Variants in RNF4 observed in about 807,000 individuals in gnomAD.
RNF4 encodes E3 ubiquitin-protein ligase RNF4.
RNF4 carries 7 observed loss-of-function variants against 24.3 expected under a neutral mutation model. The ratio of observed to expected loss-of-function variants is 0.29; its 90% CI spans 0.16 to 0.54. RNF4 has a LOEUF of 0.54. RNF4 is among the 20% of genes least tolerant of loss of function. RNF4 has a pLI of 0.95. For missense variants in RNF4, 209 were observed against 248.5 expected (o/e 0.84, Z 1.07); for synonymous variants, 83 against 84.3 (o/e 0.98, Z 0.09).
chr4:2,488,230 A>G (rs924407569), intron 1 of RNF4, among the ~76,000 whole-genome samples: 1 of 152,168 alleles, frequency 6.6e-6, no homozygotes, highest in Non-Finnish European at 1.5e-5. Context: ...TGGGAAGCCG[A>G]GGCAAGTGGA....
chr4:2,488,473 C>A (rs6838884), intron 1 of RNF4, among the ~76,000 whole-genome samples: 9,602 of 150,988 alleles, frequency 0.064, 771 homozygotes, highest in African/African-American at 0.19. Context: ...ACAACAACAA[C>A]AAAAAAAAAC....
In RNF4 at chr4:2,514,380, T is replaced by G. The variant is rs1322492478; in HGVS notation, c.*561T>G. 6.4e-6 allele frequency: 1 copy of G among 155,904 alleles called. No homozygotes were observed. Among genetic ancestry groups the G allele is most frequent in the African/African-American group, 2.5e-5 (1 of 40,502 alleles). 9.7% of individuals were successfully genotyped at this position (155,904 alleles called of 1,614,324 possible). A position where few individuals can be genotyped will look rare whatever the true frequency, so the allele number is the denominator to read the frequency against. Reference sequence around the variant, plus strand: ...CTTATCATTGATCTGCAGTGATTTCTGCAAATCAAGAGAAACTCTGCAGGG... The same window carrying G: ...CTTATCATTGATCTGCAGTGATTTCGGCAAATCAAGAGAAACTCTGCAGGG... On this transcript the variant is annotated 3_prime_UTR_variant, in exon 8 of 8. Coordinates refer to ENST00000314289, the MANE Select transcript of RNF4 (RefSeq NM_002938.5).
At chr4:2,497,973 G>C (rs971731027) in intron 3 of RNF4, among the ~76,000 whole-genome samples, 2 of 152,276 alleles carry the variant, frequency 1.3e-5, no homozygotes, top group Middle Eastern at 3.4e-3. Context: ...CTTAGTGCAA[G>C]ATAAATTTCA....
Position 2,485,514 on chromosome 4 carries a change from A to C in RNF4, c.-157-4823A>C, listed in dbSNP as rs992478600. 2.6e-5 allele frequency among the ~76,000 whole-genome samples: 4 copies of C among 152,066 alleles called. 1 individual carries two copies. Among genetic ancestry groups the C allele is most frequent in the East Asian group, 1.9e-4 (1 of 5,156 alleles). ...CTGCTTTTCTAAAACTACACTCAGC[A>C]CCTGTTTCTGTTCTCCCTTCCCTCA... On this transcript the variant is annotated intron_variant, in intron 1 of 7. Coordinates refer to ENST00000314289, the MANE Select transcript of RNF4 (RefSeq NM_002938.5).
At chr4:2,484,067 T>TCCCCGC (rs1553877532) in intron 1 of RNF4, among the ~76,000 whole-genome samples, 1 of 13,248 alleles carries the variant, frequency 7.5e-5, no homozygotes, top group Non-Finnish European at 1.6e-4. Flanking sequence ...CCTCAGGTGA[T>TCCCCGC]CCCCCCCCGC....
chr4:2,513,004 A>G, intron 6 of RNF4, 79 bp from the exon 7 acceptor site: 3 of 1,362,354 alleles, frequency 2.2e-6, no homozygotes, highest in Non-Finnish European at 3.2e-6. Context: ...CTTGTAGGGG[A>G]TAGGGGCCAC....
intron 4 of RNF4, among the ~76,000 whole-genome samples, chr4:2,508,512 ATACTG>A (rs1736168305): frequency 6.6e-6 from 1 of 152,208 alleles, no homozygotes; most frequent in Admixed American, 6.5e-5. Context: ...CCAGTAATCA[ATACTG>A]TATTGTCCAC....
At chr4:2,497,350 T>C in intron 3 of RNF4, 1 of 346,878 alleles carries the variant, frequency 2.9e-6, no homozygotes, top group Non-Finnish European at 5.2e-6. Flanking sequence ...TAAAAAAAAA[T>C]CTAGCGCAAA....
chr4:2,485,179 C>T (rs1735369095), intron 1 of RNF4, among the ~76,000 whole-genome samples: 1 of 152,186 alleles, frequency 6.6e-6, no homozygotes, highest in African/African-American at 2.4e-5. Context: ...GACTGCGACT[C>T]CTTTGCTGCT....
At chr4:2,491,566 C>T (rs576762911) in intron 2 of RNF4, among the ~76,000 whole-genome samples, 4 of 152,232 alleles carry the variant, frequency 2.6e-5, no homozygotes, top group South Asian at 2.1e-4. Context: ...CCTCAGCCTC[C>T]GGAGTAGCTT....
At chr4:2,508,936 T>TA (rs1553880011) in intron 4 of RNF4, among the ~76,000 whole-genome samples, 16 of 138,716 alleles carry the variant, frequency 1.2e-4, no homozygotes, top group Admixed American at 3.7e-4. Flanking sequence ...TTTTTTTTTT[T>TA]AATTAAAGAC....
intron 1 of RNF4, among the ~76,000 whole-genome samples, chr4:2,474,677 GAA>G (rs1735012999): frequency 6.6e-6 from 1 of 152,182 alleles, no homozygotes; most frequent in African/African-American, 2.4e-5. Context: ...ACGCTACAGA[GAA>G]ATCTTTCATG....
chr4:2,490,672 C>A, intron 2 of RNF4, 170 bp downstream of exon 2: 1 of 613,136 alleles, frequency 1.6e-6, no homozygotes, highest in Non-Finnish European at 2.8e-6. Context: ...TACTTACCGA[C>A]ATTGAGCTAC....
intron 1 of RNF4, among the ~76,000 whole-genome samples, chr4:2,476,857 C>T (rs1213104904): frequency 1.3e-5 from 2 of 151,352 alleles, no homozygotes; most frequent in African/African-American, 4.9e-5. Context: ...TCTCAACTCA[C>T]TTCAACCTCC....
At chr4:2,502,166 G>C (rs1232980793) in intron 4 of RNF4, among the ~76,000 whole-genome samples, 1 of 152,162 alleles carries the variant, frequency 6.6e-6, no homozygotes, top group Non-Finnish European at 1.5e-5. Context: ...TTCACCAGTT[G>C]CTCATTAAAG....
At position 2,512,090 on chromosome 4, in the gene RNF4, C is replaced by A; in HGVS notation, c.214+125C>A. ...TGGAGCGCTCCAAGCAGGAAGATGC[C>A]TTCGCAGATGCTGTGGTCAGACCCA... On this transcript the variant is annotated intron_variant, in intron 5 of 7. Transcript: ENST00000314289. This position sits in a 1 kb window ranked among gnomAD's most constrained non-coding sequence, Gnocchi z 4.1. 2 of 851,244 alleles carry A rather than the reference C, an allele frequency of 2.3e-6. No homozygotes were observed. The highest frequency in any genetic ancestry group is 1.7e-5 in the South Asian group (1 of 60,174). 52.7% of individuals were successfully genotyped at this position (851,244 alleles called of 1,614,324 possible).
chr4:2,514,248 C>T lies in RNF4; in HGVS notation c.*429C>T. 5.3e-6 allele frequency: 1 copy of T among 187,860 alleles called. No individual in the cohort carries two copies. The highest frequency in any genetic ancestry group is 1.1e-5 in the Non-Finnish European group (1 of 88,234). 11.6% of individuals were successfully genotyped at this position (187,860 alleles called of 1,614,324 possible). On this transcript the variant is annotated 3_prime_UTR_variant, in exon 8 of 8. Transcript: ENST00000314289. Reference sequence around the variant, plus strand: ...TTGACCAAGCCAGACCCGGTTCACCCAGCTCGAGGATCCCAGGTTGAAGAG... The same window carrying T: ...TTGACCAAGCCAGACCCGGTTCACCTAGCTCGAGGATCCCAGGTTGAAGAG...
intron 1 of RNF4, among the ~76,000 whole-genome samples, chr4:2,477,809 A>G (rs747770323): frequency 6.6e-6 from 1 of 152,180 alleles, no homozygotes; most frequent in Non-Finnish European, 1.5e-5. Flanking sequence ...ACATACTGGT[A>G]CAGTAAGTTG....
chr4:2,513,401 C>A (rs1463839861), intron 7 of RNF4, among the ~76,000 whole-genome samples: 1 of 152,206 alleles, frequency 6.6e-6, no homozygotes, highest in Admixed American at 6.5e-5. Flanking sequence ...CATCCTGGCT[C>A]TAACTGAAAG....
Sources: gnomAD v4.1 joint callset for allele counts (sites outside exome capture counted in the v4.1 genomes callset) on GRCh38, gnomAD v4.1.1 for gene constraint, Gnocchi (gnomAD v3.1) non-coding constraint, MANE v1.5 for transcripts, NCBI Gene and HGNC (gene_info 2026-07-23, HGNC 2026-07-21) for gene names.